The following MTNAP1 variants were observed in gnomAD, a reference collection of about 807,000 sequenced individuals.
MTNAP1 encodes mitochondrial nucleoid associated protein 1.
At chr17:73,236,632 C>T in the MTNAP1 span, 3 of 1,614,052 alleles carry the variant, frequency 1.9e-6, no homozygotes, top group South Asian at 1.1e-5. Flanking sequence ...TACAACATTT[C>T]TTCAAGAAAA....
chr17:73,236,069 A>G, the MTNAP1 span: 4 of 1,614,186 alleles, frequency 2.5e-6, no homozygotes, highest in South Asian at 3.3e-5. Flanking sequence ...CTACCTAATG[A>G]TGTACAAACT....
the MTNAP1 span, chr17:73,237,032 C>T: frequency 1.3e-6 from 2 of 1,492,882 alleles, no homozygotes; most frequent in Non-Finnish European, 1.8e-6. Context: ...TCTGTCCCAT[C>T]CAAAATGCTC....
At chr17:73,248,629 C>A in the MTNAP1 span, 16 of 1,276,230 alleles carry the variant, frequency 1.3e-5, no homozygotes, top group South Asian at 2.0e-4. Context: ...TGGTGACACC[C>A]AGGCTACTGT....
the MTNAP1 span, among the ~76,000 whole-genome samples, chr17:73,242,013 C>T: frequency 1.3e-5 from 2 of 152,200 alleles, no homozygotes; most frequent in African/African-American, 4.8e-5. Context: ...GACCAAAAAA[C>T]AAGTAGACGC....
At chr17:73,236,424 G>A in the MTNAP1 span, 3 of 1,614,140 alleles carry the variant, frequency 1.9e-6, no homozygotes, top group Non-Finnish European at 2.5e-6. Flanking sequence ...GAAATGCAGA[G>A]AAAAGTATGT....
the MTNAP1 span, chr17:73,236,722 G>A: frequency 6.2e-7 from 1 of 1,614,154 alleles, no homozygotes; most frequent in African/African-American, 1.3e-5. Context: ...GTTATCTCTG[G>A]AGCCCAAATC....
the MTNAP1 span, among the ~76,000 whole-genome samples, chr17:73,246,868 C>T: frequency 8.9e-4 from 136 of 152,274 alleles, no homozygotes; most frequent in African/African-American, 3.2e-3. Context: ...GCCGAAAGAG[C>T]TTTGTGCCCA....
At chr17:73,243,565 C>T in the MTNAP1 span, among the ~76,000 whole-genome samples, 222 of 120,974 alleles carry the variant, frequency 1.8e-3, no homozygotes, top group African/African-American at 5.9e-3. Flanking sequence ...TTTTTTTTTT[C>T]CCACCCAGGC....
the MTNAP1 span, chr17:73,247,602 T>G: frequency 2.5e-6 from 1 of 400,002 alleles, no homozygotes; most frequent in Non-Finnish European, 4.6e-6. Flanking sequence ...AATAAGTTAT[T>G]TAATGAGAAT....
At chr17:73,246,529 C>T in the MTNAP1 span, among the ~76,000 whole-genome samples, 1 of 152,152 alleles carries the variant, frequency 6.6e-6, no homozygotes, top group Non-Finnish European at 1.5e-5. Context: ...GAAGTGAAAC[C>T]TTGTCTCAAA....
the MTNAP1 span, among the ~76,000 whole-genome samples, chr17:73,245,983 T>C: frequency 2.2e-4 from 33 of 152,246 alleles, no homozygotes; most frequent in African/African-American, 7.7e-4. Context: ...CTGTGTCTCT[T>C]CATCTCATCA....
At chr17:73,242,133 G>A in the MTNAP1 span, 5 of 631,508 alleles carry the variant, frequency 7.9e-6, no homozygotes, top group South Asian at 2.4e-5. Context: ...TAATGCACCT[G>A]TTTAGAATAT....
chr17:73,237,040 C>G, the MTNAP1 span: 1 of 1,477,934 alleles, frequency 6.8e-7, no homozygotes, highest in Non-Finnish European at 9.0e-7. Flanking sequence ...ATCCAAAATG[C>G]TCTCTCTGCC....
chr17:73,232,896 C>T, the MTNAP1 span: 3 of 152,238 alleles, frequency 2.0e-5, no homozygotes, highest in Non-Finnish European at 4.4e-5. Flanking sequence ...GAACGGCTGT[C>T]CCTGACCCAG....
At chr17:73,232,482 A>C in the MTNAP1 span, 1 of 577,676 alleles carries the variant, frequency 1.7e-6, no homozygotes, top group Non-Finnish European at 2.9e-6. Context: ...GTTCACAGCC[A>C]ACGGAGGGTA....
chr17:73,237,253 A>T, the MTNAP1 span, among the ~76,000 whole-genome samples: 2 of 152,134 alleles, frequency 1.3e-5, no homozygotes, highest in Non-Finnish European at 2.9e-5. Context: ...CCTGGGCAAC[A>T]TGGTGAAACC....
the MTNAP1 span, among the ~76,000 whole-genome samples, chr17:73,244,172 T>TA: frequency 1.3e-5 from 2 of 152,200 alleles, no homozygotes; most frequent in Non-Finnish European, 2.9e-5. Flanking sequence ...ATTGTATTAT[T>TA]AAAAAAATCC....
chr17:73,245,569 T>C, the MTNAP1 span: 36 of 985,328 alleles, frequency 3.7e-5, no homozygotes, highest in Admixed American at 6.1e-5. Context: ...CTATATGAGA[T>C]ACCAGACTAC....
the MTNAP1 span, chr17:73,242,410 T>C: frequency 8.3e-7 from 1 of 1,202,136 alleles, no homozygotes; most frequent in Non-Finnish European, 1.2e-6. Context: ...TGGAAAAGTT[T>C]CTCTTCGGGC....
Sources: allele counts gnomAD v4.1 joint callset (sites outside exome capture counted in the v4.1 genomes callset), GRCh38; gene constraint gnomAD v4.1.1; transcripts MANE v1.5; gene names NCBI Gene and HGNC (gene_info 2026-07-23, HGNC 2026-07-21).